The following TNC variants were observed in gnomAD, a reference collection of about 807,000 sequenced individuals.
The protein encoded by TNC is tenascin.
Under a neutral mutation model 202.4 loss-of-function variants are expected in TNC, and 109 were observed. That is an observed-to-expected ratio of 0.54 (90% CI 0.46 to 0.63). The LOEUF (loss-of-function observed/expected upper bound fraction) is 0.63, where lower values mean the gene tolerates loss of function less well. Ranked by LOEUF, TNC falls within the 30% of genes least tolerant of loss-of-function variation. The probability of loss-of-function intolerance (pLI) is 0.00; values close to 1 mark genes in which losing one functional copy is unlikely to be tolerated. For synonymous variants in TNC, 1,007 were observed against 1,089.7 expected, an observed-to-expected ratio of 0.92 and a Z score of 1.50; for missense variants, 2,756 against 2,833.3, an observed-to-expected ratio of 0.97 and a Z score of 0.62.
Position 115,048,245 on chromosome 9 carries a change from C to G in TNC, c.4852+15G>C. The stretch of plus-strand genomic sequence containing the variant: ...ACCAGGAAGAGGAACAAATGGCTCA[C>G]TTGATTTGAAATACCTGTAACAATC... On this transcript the variant is annotated intron_variant, in intron 16 of 27. Transcript: ENST00000350763. 1 of 1,609,500 alleles carries G rather than the reference C, an allele frequency of 6.2e-7. No individual in the cohort carries two copies. Among genetic ancestry groups the G allele is most frequent in the African/African-American group, 1.3e-5 (1 of 74,774 alleles).
intron 25 of TNC, among the ~76,000 whole-genome samples, chr9:115,027,307 A>C (rs942349095): frequency 2.6e-5 from 4 of 151,838 alleles, no homozygotes; most frequent in Non-Finnish European, 5.9e-5. Flanking sequence ...AGTGCCTTAC[A>C]GGCCAGGCAC....
chr9:115,101,238 G>A (rs1182395404), intron 1 of TNC, among the ~76,000 whole-genome samples: 2 of 152,138 alleles, frequency 1.3e-5, no homozygotes, highest in South Asian at 2.1e-4. Context: ...TTGAGATGAA[G>A]TCTCGCTCTG....
intron 7 of TNC, among the ~76,000 whole-genome samples, chr9:115,077,299 G>A (rs185808393): frequency 0.013 from 1,925 of 152,158 alleles, 18 homozygotes; most frequent in Non-Finnish European, 0.018. Flanking sequence ...CTCGTGATTC[G>A]CCCGCCTTGG....
rs116391141 is a variant in TNC at position 115,040,346 on chromosome 9, G to A, written c.5392+595C>T. ...TGTGAAGGGTTTAGTAACAGTGCCT[G>A]GAATGCAAGAGCCACCAAATAGAGA... On this transcript the variant is annotated intron_variant, in intron 19 of 27. Coordinates refer to ENST00000350763, the MANE Select transcript of TNC (RefSeq NM_002160.4). Among the ~76,000 whole-genome samples, 117 of 152,308 alleles carry A rather than the reference G, an allele frequency of 7.7e-4. 1 individual carries two copies. Among genetic ancestry groups the A allele is most frequent in the African/African-American group, 2.7e-3 (113 of 41,562 alleles).
intron 3 of TNC, 91 bp from the exon 4 acceptor site, chr9:115,084,563 C>T: frequency 6.9e-7 from 1 of 1,458,468 alleles, no homozygotes; most frequent in South Asian, 1.4e-5. Context: ...CACTGTCAGC[C>T]ACAGAGGTCT....
Position 115,057,298 on chromosome 9 carries a change from C to A in TNC, c.4434G>T (p.Leu1478Phe), listed in dbSNP as rs777678374. The change falls in exon 15 of 28, where the codon TTG becomes TTT. Residue 1478 changes from leucine to phenylalanine, a missense_variant. Coordinates refer to ENST00000350763, the MANE Select transcript of TNC (RefSeq NM_002160.4). ...FTIEIIDSNR[L>F]LETVEYNISG... The stretch of plus-strand genomic sequence containing the variant: ...AGATATTATATTCCACAGTCTCCAG[C>A]AACCTATTGGAATCAATAATTTCAA... 8.7e-6 allele frequency: 14 copies of A among 1,614,156 alleles called. No individual in the cohort carries two copies. The highest frequency in any genetic ancestry group is 1.2e-5 in the Non-Finnish European group (14 of 1,180,032).
intron 7 of TNC, among the ~76,000 whole-genome samples, chr9:115,077,319 G>A (rs1194532888): frequency 6.6e-6 from 1 of 152,214 alleles, no homozygotes; most frequent in African/African-American, 2.4e-5. Flanking sequence ...GCCTCCCAAA[G>A]TGCTGGGATT....
At position 115,026,693 on chromosome 9, in the gene TNC, G is replaced by A; in HGVS notation, c.6172C>T (p.Leu2058=). The A allele has an allele frequency of 2.5e-6, 4 of 1,613,678 alleles. No individual in the cohort carries two copies. In the South Asian group the frequency reaches 3.3e-5, roughly 13 times the overall value. Residue 2058 remains leucine (L), a splice_region_variant and synonymous_variant, in exon 26 of 28, where the codon CTG becomes TTG. Transcript: ENST00000350763. ...GCTGTGATTTTGTTCAGGTTGTCCA[G>A]CCCTGTGGATGACAGGCAAGGGTTG... The part of the protein sequence containing the change: ...GDRREEFWLG[L]DNLNKITAQG...
rs113144813 is a variant in TNC at position 115,030,406 on chromosome 9, C to T, written c.5921-1G>A. On this transcript the variant is annotated splice_acceptor_variant, in intron 23 of 27. Coordinates refer to ENST00000350763, the MANE Select transcript of TNC (RefSeq NM_002160.4). LOFTEE classifies it high-confidence loss of function. ...TTGGGGAAGGGGTACAGGAGTCCAA[C>T]TGTGGAATAAGGAGAAATGGTGATG... 1.2e-6 allele frequency: 2 copies of T among 1,611,416 alleles called. No homozygotes were observed. The highest frequency in any genetic ancestry group is 1.7e-6 in the Non-Finnish European group (2 of 1,178,154).
At position 115,089,159 on chromosome 9, in the gene TNC, G is replaced by T. The variant is rs147697265; in HGVS notation, c.457+1403C>A. ...GAAGATAAACTAACTTATGCCTAAA[G>T]AAAATGTTTTTAAAAATTGCCTTAG... is the stretch of plus-strand genomic sequence containing the variant. On this transcript the variant is annotated intron_variant, in intron 2 of 27. Transcript: ENST00000350763. Among the ~76,000 whole-genome samples, 576 of 152,256 alleles carry T rather than the reference G, an allele frequency of 3.8e-3. 2 individuals carry two copies. The highest frequency in any genetic ancestry group is 0.013 in the African/African-American group (551 of 41,546).
chr9:115,076,020 G>T lies in TNC; in HGVS notation c.2950+12C>A. 1 of 1,612,808 alleles carries T rather than the reference G, an allele frequency of 6.2e-7. No individual in the cohort carries two copies. The highest frequency in any genetic ancestry group is 8.5e-7 in the Non-Finnish European group (1 of 1,178,872). Reference sequence around the variant, plus strand: ...CCAGCTCAGTGGGATGGGAATTCCAGGTGTGCCCCACCTGTGGCTGCGTTG... The same window carrying T: ...CCAGCTCAGTGGGATGGGAATTCCATGTGTGCCCCACCTGTGGCTGCGTTG... On this transcript the variant is annotated intron_variant, in intron 9 of 27. Transcript: ENST00000350763.
chr9:115,098,125 G>C (rs1835934326), intron 1 of TNC, among the ~76,000 whole-genome samples: 1 of 152,124 alleles, frequency 6.6e-6, no homozygotes, highest in South Asian at 2.1e-4. Flanking sequence ...GTGGAAGAAG[G>C]GTTAAATGTT....
chr9:115,022,629 G>A (rs1157598785), intron 27 of TNC, among the ~76,000 whole-genome samples: 2 of 151,928 alleles, frequency 1.3e-5, no homozygotes, highest in African/African-American at 2.4e-5. Flanking sequence ...TTGAGACAAG[G>A]CAATAAAGAT....
chr9:115,083,547 T>C (rs777817911), intron 4 of TNC, among the ~76,000 whole-genome samples: 1 of 151,842 alleles, frequency 6.6e-6, no homozygotes, highest in East Asian at 1.9e-4. Context: ...ATCTGTAAAA[T>C]GGGGTTAACA....
At chr9:115,052,125 C>A (rs1055497820) in intron 15 of TNC, among the ~76,000 whole-genome samples, 1 of 149,860 alleles carries the variant, frequency 6.7e-6, no homozygotes, top group Non-Finnish European at 1.5e-5. Context: ...TACTTTATAG[C>A]CTTAAAAAAG....
chr9:115,112,996 C>T (rs1365393242), intron 1 of TNC, among the ~76,000 whole-genome samples: 9 of 152,178 alleles, frequency 5.9e-5, no homozygotes, highest in South Asian at 4.1e-4. Context: ...TGATGTGGAT[C>T]GGGCTTTGCC....
In TNC at chr9:115,063,848, G is replaced by C; in HGVS notation, c.3708C>G (p.Arg1236=). The change falls in exon 12 of 28, where the codon CGC becomes CGG. Residue 1236 remains arginine (R), a synonymous_variant. Coordinates refer to ENST00000350763, the MANE Select transcript of TNC (RefSeq NM_002160.4). ...TTGTGCTGAAGTCCTGAGTGACCCCGCGGATGGTGATGGTATAATGAGTGG... is the reference window on the plus strand; with the variant it reads ...TTGTGCTGAAGTCCTGAGTGACCCCCCGGATGGTGATGGTATAATGAGTGG... The part of the protein sequence containing the change: ...KAATHYTITI[R]GVTQDFSTTP... 6.2e-7 allele frequency: 1 copy of C among 1,614,164 alleles called. No individual in the cohort carries two copies. The highest frequency in any genetic ancestry group is 2.2e-5 in the East Asian group (1 of 44,886).
intron 27 of TNC, among the ~76,000 whole-genome samples, chr9:115,023,203 G>A (rs1413640114): frequency 6.6e-6 from 1 of 152,138 alleles, no homozygotes; most frequent in Non-Finnish European, 1.5e-5. Context: ...TCAGCGTGGT[G>A]TGGCCCCAAG....
chr9:115,030,164 CAGG>C (rs1829837021), intron 24 of TNC, 87 bp downstream of exon 24: 3 of 1,343,102 alleles, frequency 2.2e-6, no homozygotes, highest in East Asian at 2.4e-5. Flanking sequence ...CAGAGTGCAT[CAGG>C]AGGAGATCAC....
Sources: gnomAD v4.1 joint callset for allele counts (sites outside exome capture counted in the v4.1 genomes callset) on GRCh38, gnomAD v4.1.1 for gene constraint, MANE v1.5 for transcripts, NCBI Gene and HGNC (gene_info 2026-07-23, HGNC 2026-07-21) for gene names.